The following PHF2 variants were observed in gnomAD, a reference collection of about 807,000 sequenced individuals.
PHF2 encodes lysine-specific demethylase PHF2.
PHF2 carries 27 observed loss-of-function variants against 120.5 expected under a neutral mutation model. That is an observed-to-expected ratio of 0.22 (90% CI 0.17 to 0.31). PHF2 has a LOEUF of 0.31. Ranked by LOEUF, PHF2 falls within the 10% of genes least tolerant of loss-of-function variation. PHF2 has a pLI of 1.00. For synonymous variants in PHF2, 568 were observed against 592.5 expected (o/e 0.96, Z 0.60); for missense variants, 1,024 against 1,434.8 (o/e 0.71, Z 4.63).
Position 93,618,344 on chromosome 9 carries a change from CGTG to C in PHF2, c.99-11624_99-11622del, listed in dbSNP as rs371580597. 2.1e-3 allele frequency among the ~76,000 whole-genome samples: 321 copies of C among 152,382 alleles called. 1 individual carries two copies. Among genetic ancestry groups the C allele is most frequent in the African/African-American group, 7.2e-3 (299 of 41,588 alleles). On this transcript the variant is annotated intron_variant, in intron 1 of 21. Transcript: ENST00000359246. ...CTGAACCACGCACACATGACACACT[CGTG>C]GGCAGACGCATAGACAGATGCACAC...
At chr9:93,614,401 T>G (rs920253902) in intron 1 of PHF2, among the ~76,000 whole-genome samples, 3 of 152,126 alleles carry the variant, frequency 2.0e-5, no homozygotes, top group African/African-American at 7.2e-5. Flanking sequence ...CCCCTGTGGC[T>G]TCTGTTCCCA....
chr9:93,668,947 C>A (rs989693712), intron 17 of PHF2, among the ~76,000 whole-genome samples: 17 of 152,200 alleles, frequency 1.1e-4, no homozygotes, highest in African/African-American at 4.1e-4. Context: ...GAAAAAACTG[C>A]TGAAGAAAAT....
chr9:93,678,751 GA>G lies in PHF2; in HGVS notation c.*1076del, dbSNP rs1203722344. The G allele has an allele frequency of 1.3e-5, 2 of 152,766 alleles. No homozygotes were observed. Among genetic ancestry groups the G allele is most frequent in the South Asian group, 2.1e-4 (1 of 4,846 alleles). The allele number at this position is 152,766 out of a possible 1,614,324, so 9.5% of individuals were successfully genotyped here. Reference sequence around the variant, plus strand: ...TTTTTAAATAACTTCTTTTTTATAAGAGTAAAAGTATCTTTAGGAATTTCTT... The same window carrying G: ...TTTTTAAATAACTTCTTTTTTATAAGGTAAAAGTATCTTTAGGAATTTCTT... On this transcript the variant is annotated 3_prime_UTR_variant, in exon 22 of 22. Transcript: ENST00000359246.
At chr9:93,627,491 G>GTTTTTTTTTTTTTTTTTT (rs1186546705) in intron 1 of PHF2, among the ~76,000 whole-genome samples, 3 of 41,064 alleles carry the variant, frequency 7.3e-5, no homozygotes, top group Admixed American at 3.3e-4. Flanking sequence ...TTTATTTCAG[G>GTTTTTTTTTTTTTTTTTT]ATTTTTTTTT....
chr9:93,619,597 G>C lies in PHF2; in HGVS notation c.99-10373G>C, dbSNP rs1297206938. Among the ~76,000 whole-genome samples the C allele has an allele frequency of 2.0e-5, 3 of 151,702 alleles. No homozygotes were observed. The East Asian group carries it at 5.8e-4, about 29-fold the overall frequency. On this transcript the variant is annotated intron_variant, in intron 1 of 21. Coordinates refer to ENST00000359246, the MANE Select transcript of PHF2 (RefSeq NM_005392.4). ...TGGCCTGTGCTCCACGCCTGCTGGTGGTTCCTGGTGGCCTGTGTGCCATGC... is the reference window on the plus strand; with the variant it reads ...TGGCCTGTGCTCCACGCCTGCTGGTCGTTCCTGGTGGCCTGTGTGCCATGC...
intron 1 of PHF2, 150 bp downstream of exon 1, chr9:93,577,021 T>C: frequency 5.5e-6 from 1 of 181,886 alleles, no homozygotes; most frequent in South Asian, 1.7e-4. Flanking sequence ...CGGTCGGGGC[T>C]GGGCCGTGCC....
At chr9:93,585,544 G>A (rs1214317155) in intron 1 of PHF2, among the ~76,000 whole-genome samples, 1 of 152,244 alleles carries the variant, frequency 6.6e-6, no homozygotes, top group Non-Finnish European at 1.5e-5. Context: ...TAAAGCCCTT[G>A]TTCATTCTTG....
intron 1 of PHF2, among the ~76,000 whole-genome samples, chr9:93,588,320 C>T (rs79432875): frequency 4.7e-4 from 71 of 152,194 alleles, no homozygotes; most frequent in African/African-American, 1.6e-3. Context: ...CATGGGACTG[C>T]GGGATAGAGG....
intron 3 of PHF2, among the ~76,000 whole-genome samples, chr9:93,643,910 C>G (rs559390062): frequency 6.6e-6 from 1 of 152,294 alleles, no homozygotes; most frequent in Admixed American, 6.5e-5. Context: ...TTCCCTCCCA[C>G]TTTCTCAGCT....
Position 93,667,174 on chromosome 9 carries a change from C to T in PHF2, c.2282C>T (p.Ala761Val). Residue 761 changes from alanine (A) to valine (V), a missense_variant, in exon 17 of 22, where the codon GCA (alanine) becomes GTA (valine). Ala to Val is a moderately conservative substitution (Grantham distance 64). Transcript: ENST00000359246. ...ARVKKESGSS[A>V]AGILDLLQAS... ...GTCAAGAAGGAGAGTGGGAGCTCGG[C>T]AGCTGGCATCTTGGACCTGCTGCAG... is the stretch of plus-strand genomic sequence containing the variant. 1 of 1,613,050 alleles carries T rather than the reference C, an allele frequency of 6.2e-7. No homozygotes were observed.
At position 93,673,644 on chromosome 9, in the gene PHF2, A is replaced by G; in HGVS notation, c.2408A>G (p.Asn803Ser). The change falls in exon 18 of 22, where the codon AAC (asparagine) becomes AGC (serine). Residue 803 changes from asparagine to serine, a missense_variant. Asn to Ser is a conservative substitution (Grantham distance 46). Transcript: ENST00000359246. ...EAIQGMLSMA[N>S]LQASDSCLQT... ...ATTCAGGGAATGCTGTCCATGGCCA[A>G]CCTGCAGGCCTCCGACTCCTGCCTG... The G allele has an allele frequency of 1.2e-6, 2 of 1,607,680 alleles. No individual in the cohort carries two copies. Among genetic ancestry groups the G allele is most frequent in the Non-Finnish European group, 1.7e-6 (2 of 1,175,944 alleles).
chr9:93,592,755 A>G (rs989871706), intron 1 of PHF2, among the ~76,000 whole-genome samples: 22 of 152,196 alleles, frequency 1.4e-4, no homozygotes, highest in Non-Finnish European at 1.5e-4. Context: ...AGATGTGAAC[A>G]CTGATGTTCT....
At chr9:93,603,522 C>A (rs1825484437) in intron 1 of PHF2, among the ~76,000 whole-genome samples, 1 of 152,160 alleles carries the variant, frequency 6.6e-6, no homozygotes, top group South Asian at 2.1e-4. Flanking sequence ...CACCTTGGGA[C>A]CTACAGCTGC....
In PHF2 at chr9:93,643,648, A is replaced by T. The variant is rs554277792; in HGVS notation, c.300-1981A>T. Among the ~76,000 whole-genome samples, 3 of 152,102 alleles carry T rather than the reference A, an allele frequency of 2.0e-5. No homozygotes were observed. The South Asian group carries it at 6.2e-4, about 32-fold the overall frequency. ...CACCTGCCTGCTTCCTGTCCTGTTAACTGCTCTCCTTGAGGCTTTTCTGGG... is the reference window on the plus strand; with the variant it reads ...CACCTGCCTGCTTCCTGTCCTGTTATCTGCTCTCCTTGAGGCTTTTCTGGG... On this transcript the variant is annotated intron_variant, in intron 3 of 21. Transcript: ENST00000359246.
intron 1 of PHF2, among the ~76,000 whole-genome samples, chr9:93,624,988 A>G (rs1825888569): frequency 6.6e-6 from 1 of 152,220 alleles, no homozygotes; most frequent in Non-Finnish European, 1.5e-5. Context: ...TTCACATAGC[A>G]TAATATTAAT....
At chr9:93,623,002 G>A (rs1320989243) in intron 1 of PHF2, among the ~76,000 whole-genome samples, 1 of 152,192 alleles carries the variant, frequency 6.6e-6, no homozygotes, top group Non-Finnish European at 1.5e-5. Flanking sequence ...AGGTCAGGTT[G>A]GTGTAGCCTG....
intron 1 of PHF2, among the ~76,000 whole-genome samples, chr9:93,601,663 G>T (rs1404875094): frequency 6.6e-6 from 1 of 152,052 alleles, no homozygotes; most frequent in Non-Finnish European, 1.5e-5. Context: ...GTGCAGGGAG[G>T]GCCTCAGCAA....
intron 2 of PHF2, among the ~76,000 whole-genome samples, chr9:93,635,585 G>T (rs1308192866): frequency 3.9e-5 from 6 of 152,234 alleles, no homozygotes; most frequent in Non-Finnish European, 8.8e-5. Flanking sequence ...ACTTAGCGGG[G>T]TGGAGAGGAA....
At chr9:93,591,578 C>T (rs1416265299) in intron 1 of PHF2, among the ~76,000 whole-genome samples, 1 of 152,170 alleles carries the variant, frequency 6.6e-6, no homozygotes, top group African/African-American at 2.4e-5. Flanking sequence ...CCTCCCTTGA[C>T]CTATTCTTTC....
Sources: gnomAD v4.1 joint callset for allele counts (sites outside exome capture counted in the v4.1 genomes callset) on GRCh38, gnomAD v4.1.1 for gene constraint, MANE v1.5 for transcripts, NCBI Gene and HGNC (gene_info 2026-07-23, HGNC 2026-07-21) for gene names.